Variants in ZBTB38 observed in about 807,000 individuals in gnomAD.
The protein encoded by ZBTB38 is zinc finger and BTB domain containing 38, also known as zinc finger and BTB domain-containing protein 38.
ZBTB38 carries 20 observed loss-of-function variants against 76.8 expected under a neutral mutation model. That is an observed-to-expected ratio of 0.26 (90% CI 0.18 to 0.38). The LOEUF is 0.38. ZBTB38 is among the 10% of genes least tolerant of loss of function. The pLI, the probability that ZBTB38 is intolerant of heterozygous loss-of-function variation, is 1.00. For missense variants in ZBTB38, 1,082 were observed against 1,482.3 expected, an observed-to-expected ratio of 0.73 and a Z score of 4.43; for synonymous variants, 504 against 544.2, an observed-to-expected ratio of 0.93 and a Z score of 1.03.
At chr3:141,416,635 C>T (rs753908707) in intron 5 of ZBTB38, among the ~76,000 whole-genome samples, 23 of 152,256 alleles carry the variant, frequency 1.5e-4, no homozygotes, top group African/African-American at 9.6e-5. Flanking sequence ...TCCCAGAACC[C>T]GTGAGTGTGA....
At chr3:141,417,187 C>T (rs2074254699) in intron 5 of ZBTB38, among the ~76,000 whole-genome samples, 1 of 152,262 alleles carries the variant, frequency 6.6e-6, no homozygotes, top group East Asian at 1.9e-4. Flanking sequence ...CCCTTTTAGC[C>T]CTATTTTCTT....
intron 2 of ZBTB38, among the ~76,000 whole-genome samples, chr3:141,380,504 G>A (rs1033423779): frequency 2.6e-5 from 4 of 152,164 alleles, no homozygotes; most frequent in African/African-American, 7.2e-5. Flanking sequence ...TTTAGGAAGT[G>A]GCTTCATGAT....
At chr3:141,379,231 A>G (rs1009623739) in intron 2 of ZBTB38, among the ~76,000 whole-genome samples, 1 of 152,186 alleles carries the variant, frequency 6.6e-6, no homozygotes, top group African/African-American at 2.4e-5. Flanking sequence ...GGTTGGCAGT[A>G]TGGAATTGCA....
chr3:141,354,023 G>A (rs778515906), intron 1 of ZBTB38, among the ~76,000 whole-genome samples: 2 of 152,132 alleles, frequency 1.3e-5, no homozygotes, highest in Non-Finnish European at 2.9e-5. Context: ...GGCCCTCTTG[G>A]TTGGACTTGT....
chr3:141,439,066 A>C (rs531332201), intron 5 of ZBTB38, among the ~76,000 whole-genome samples: 2 of 151,984 alleles, frequency 1.3e-5, no homozygotes, highest in Admixed American at 6.6e-5. Flanking sequence ...GCCTCTGTAA[A>C]TAATTGTACT....
chr3:141,364,396 T>G (rs1943900988), upstream of ZBTB38, among the ~76,000 whole-genome samples: 2 of 134,108 alleles, frequency 1.5e-5, no homozygotes, highest in South Asian at 2.3e-4. Flanking sequence ...AAAAAAAAAA[T>G]TTTAGTCCAG....
At chr3:141,431,323 CAAAAAA>C (rs71976494) in intron 5 of ZBTB38, among the ~76,000 whole-genome samples, 1 of 101,408 alleles carries the variant, frequency 9.9e-6, no homozygotes, top group African/African-American at 4.9e-5. Context: ...GACTTCGTCT[CAAAAAA>C]AAAAAAAAAA....
intron 4 of ZBTB38, chr3:141,388,552 G>C (rs564005964): frequency 2.2e-4 from 34 of 152,250 alleles, no homozygotes; most frequent in Non-Finnish European, 4.4e-4. Context: ...ATAATTTCAT[G>C]AGCTCTTTCT....
chr3:141,407,202 G>T (rs1448352399), intron 5 of ZBTB38, among the ~76,000 whole-genome samples: 1 of 152,140 alleles, frequency 6.6e-6, no homozygotes, highest in Non-Finnish European at 1.5e-5. Context: ...TTACCATATG[G>T]CTATTGTATG....
chr3:141,436,389 G>A (rs2078787994), intron 5 of ZBTB38, among the ~76,000 whole-genome samples: 1 of 152,178 alleles, frequency 6.6e-6, no homozygotes. Context: ...AAATCCTTGG[G>A]CAGGCAGTGT....
At chr3:141,401,563 GA>G (rs1951948000) in intron 4 of ZBTB38, among the ~76,000 whole-genome samples, 1 of 151,442 alleles carries the variant, frequency 6.6e-6, no homozygotes, top group African/African-American at 2.4e-5. Flanking sequence ...ATTCCTGGCT[GA>G]AAACGTAAAG....
intron 1 of ZBTB38, among the ~76,000 whole-genome samples, chr3:141,352,512 A>G (rs1378548667): frequency 6.6e-6 from 1 of 152,138 alleles, no homozygotes; most frequent in East Asian, 1.9e-4. Context: ...TAAGCAGGCA[A>G]GAACAGATGA....
At chr3:141,334,584 A>G (rs902254816) in intron 1 of ZBTB38, among the ~76,000 whole-genome samples, 13 of 151,830 alleles carry the variant, frequency 8.6e-5, no homozygotes, top group African/African-American at 3.1e-4. Flanking sequence ...GGATGTCACC[A>G]TAAGAGGACA....
chr3:141,384,580 C>G (rs560973349), intron 3 of ZBTB38, among the ~76,000 whole-genome samples: 1 of 152,346 alleles, frequency 6.6e-6, no homozygotes, highest in South Asian at 2.1e-4. Flanking sequence ...TCTAAGGACT[C>G]TGCTTCACAG....
chr3:141,381,298 C>T (rs1274868934), intron 2 of ZBTB38, 127 bp from the exon 3 acceptor site: 1 of 152,212 alleles, frequency 6.6e-6, no homozygotes, highest in Admixed American at 6.5e-5. Context: ...ATGCTCCCAC[C>T]AGAGGATTTG....
At chr3:141,410,834 G>A (rs1956374554) in intron 5 of ZBTB38, among the ~76,000 whole-genome samples, 1 of 152,200 alleles carries the variant, frequency 6.6e-6, no homozygotes, top group South Asian at 2.1e-4. Context: ...CATTTACGCA[G>A]GGAGAGAGGA....
Position 141,400,950 on chromosome 3 carries a change from AAC to A in ZBTB38, c.-105-2973_-105-2972del, listed in dbSNP as rs375668930. On this transcript the variant is annotated intron_variant, in intron 4 of 5. Coordinates refer to ENST00000321464, the MANE Select transcript of ZBTB38 (RefSeq NM_001376113.1). Reference sequence around the variant, plus strand: ...ACCTCCCACCTTCCAGTCACAGGGAAACACAGAGAGCAATACTGCATACTAGC... The same window carrying A: ...ACCTCCCACCTTCCAGTCACAGGGAAACAGAGAGCAATACTGCATACTAGC... 3.5e-3 allele frequency among the ~76,000 whole-genome samples: 531 copies of A among 152,302 alleles called. 2 individuals carry two copies. Among genetic ancestry groups the A allele is most frequent in the African/African-American group, 0.012 (500 of 41,554 alleles).
intron 5 of ZBTB38, among the ~76,000 whole-genome samples, chr3:141,428,854 A>G (rs2076889497): frequency 6.6e-6 from 1 of 152,234 alleles, no homozygotes; most frequent in Non-Finnish European, 1.5e-5. Context: ...AGTGCTTTGC[A>G]ACTTGAAATT....
chr3:141,333,205 A>G (rs2148885720), intron 1 of ZBTB38, among the ~76,000 whole-genome samples: 1 of 152,334 alleles, frequency 6.6e-6, no homozygotes, highest in African/African-American at 2.4e-5. Context: ...TTGTTCGGAT[A>G]CAGGAGACAG....
Sources: gnomAD v4.1 joint callset for allele counts (sites outside exome capture counted in the v4.1 genomes callset) on GRCh38, gnomAD v4.1.1 for gene constraint, MANE v1.5 for transcripts, NCBI Gene and HGNC (gene_info 2026-07-23, HGNC 2026-07-21) for gene names.